NALF1: variants seen among roughly 807,000 people sequenced by gnomAD.
NALF1 encodes the protein NALCN channel auxiliary factor 1.
Under a neutral mutation model 48.4 loss-of-function variants are expected in NALF1, and 3 were observed. The ratio of observed to expected loss-of-function variants is 0.06; its 90% CI spans 0.03 to 0.16. The LOEUF (loss-of-function observed/expected upper bound fraction) is 0.16. Among genes scored for constraint, NALF1 ranks in the 10% least tolerant of loss-of-function variants. NALF1 has a pLI of 1.00. For missense variants in NALF1, 526 were observed against 571.5 expected, an observed-to-expected ratio of 0.92 and a Z score of 0.81; for synonymous variants, 262 against 245.7, an observed-to-expected ratio of 1.07 and a Z score of -0.62.
At chr13:107,602,055 A>G (rs988403669) in intron 1 of NALF1, among the ~76,000 whole-genome samples, 5 of 152,194 alleles carry the variant, frequency 3.3e-5, no homozygotes, top group Non-Finnish European at 7.3e-5. Flanking sequence ...ATTTAATTGT[A>G]TAGAAAGGTC....
chr13:107,545,884 T>C (rs1877123800), intron 1 of NALF1, among the ~76,000 whole-genome samples: 1 of 152,168 alleles, frequency 6.6e-6, no homozygotes, highest in Non-Finnish European at 1.5e-5. Context: ...TAATAACTAA[T>C]ATCCCTGATA....
intron 1 of NALF1, among the ~76,000 whole-genome samples, chr13:107,706,707 G>C (rs1008279628): frequency 3.7e-4 from 56 of 152,170 alleles, no homozygotes; most frequent in African/African-American, 1.3e-3. Context: ...GGCTGTACTA[G>C]AATGAATGGA....
intron 1 of NALF1, among the ~76,000 whole-genome samples, chr13:107,793,180 C>T (rs181418341): frequency 6.6e-6 from 1 of 152,262 alleles, no homozygotes; most frequent in East Asian, 1.9e-4. Flanking sequence ...TTGTTCTGTG[C>T]CCTTTTAACT....
At chr13:107,709,405 G>A (rs371014894) in intron 1 of NALF1, among the ~76,000 whole-genome samples, 2 of 152,214 alleles carry the variant, frequency 1.3e-5, no homozygotes, top group African/African-American at 2.4e-5. Flanking sequence ...GCTCTGCAGT[G>A]AGAACGTGGA....
chr13:107,441,387 G>A (rs897760163), intron 1 of NALF1, among the ~76,000 whole-genome samples: 1 of 152,194 alleles, frequency 6.6e-6, no homozygotes, highest in Non-Finnish European at 1.5e-5. Flanking sequence ...GATCATTACA[G>A]TATAAAATGA....
chr13:107,274,623 G>A (rs1881243718), intron 1 of NALF1, among the ~76,000 whole-genome samples: 1 of 152,034 alleles, frequency 6.6e-6, no homozygotes, highest in Non-Finnish European at 1.5e-5. Context: ...CAAACAAAAG[G>A]TTAAAGTCAC....
intron 1 of NALF1, among the ~76,000 whole-genome samples, chr13:107,662,312 C>T (rs957939166): frequency 1.3e-5 from 2 of 152,154 alleles, no homozygotes; most frequent in Non-Finnish European, 1.5e-5. Context: ...GATTCAACTG[C>T]GTGGTGGTAG....
chr13:107,768,321 T>G (rs1455385741), intron 1 of NALF1, among the ~76,000 whole-genome samples: 1 of 152,190 alleles, frequency 6.6e-6, no homozygotes, highest in African/African-American at 2.4e-5. Flanking sequence ...GCAAGTTATT[T>G]CAATACTGTA....
intron 1 of NALF1, among the ~76,000 whole-genome samples, chr13:107,605,066 G>A (rs536482870): frequency 2.6e-5 from 4 of 152,116 alleles, no homozygotes; most frequent in Admixed American, 6.5e-5. Flanking sequence ...GTCCCAGGGC[G>A]CAGAACAATT....
chr13:107,548,559 T>C (rs1019858411), intron 1 of NALF1, among the ~76,000 whole-genome samples: 1 of 152,268 alleles, frequency 6.6e-6, no homozygotes, highest in African/African-American at 2.4e-5. Flanking sequence ...TCCACAATAA[T>C]TGAATGAATT....
At chr13:107,630,645 T>C (rs1376661712) in intron 1 of NALF1, among the ~76,000 whole-genome samples, 2 of 152,144 alleles carry the variant, frequency 1.3e-5, no homozygotes, top group East Asian at 1.9e-4. Flanking sequence ...AATCGTCTAA[T>C]AGGAGGTTTA....
intron 1 of NALF1, among the ~76,000 whole-genome samples, chr13:107,357,185 A>G (rs928381376): frequency 6.6e-6 from 1 of 152,236 alleles, no homozygotes; most frequent in African/African-American, 2.4e-5. Context: ...CCAGTTCCAC[A>G]TGGCTGTGGA....
chr13:107,514,709 C>A (rs1876004319), intron 1 of NALF1, among the ~76,000 whole-genome samples: 2 of 152,094 alleles, frequency 1.3e-5, no homozygotes, highest in Non-Finnish European at 2.9e-5. Flanking sequence ...CCCTTCTTTG[C>A]TCAGAGATGT....
At chr13:107,558,231 C>CT (rs371703170) in intron 1 of NALF1, among the ~76,000 whole-genome samples, 543 of 150,656 alleles carry the variant, frequency 3.6e-3, no homozygotes, top group African/African-American at 0.012. Context: ...CCTTGAGTCT[C>CT]TTTTTTTTTA....
intron 1 of NALF1, among the ~76,000 whole-genome samples, chr13:107,680,815 A>AGAGG (rs1378652142): frequency 4.1e-5 from 6 of 147,618 alleles, no homozygotes; most frequent in Non-Finnish European, 9.0e-5. Flanking sequence ...GAGTGGTGTG[A>AGAGG]GTGTATGAGT....
At chr13:107,410,100 T>A (rs1535711) in intron 1 of NALF1, among the ~76,000 whole-genome samples, 20 of 152,182 alleles carry the variant, frequency 1.3e-4, no homozygotes, top group South Asian at 1.0e-3. Flanking sequence ...TTCTATATTC[T>A]AAAGTAACAA....
chr13:107,643,542 T>TGG lies in NALF1; in HGVS notation c.915+222138_915+222139dup, dbSNP rs34793504. Among the ~76,000 whole-genome samples, 1,246 of 128,076 alleles carry TGG rather than the reference T, an allele frequency of 9.7e-3. 14 individuals are homozygous for TGG. Among genetic ancestry groups the TGG allele is most frequent in the East Asian group, 0.02 (78 of 3,826 alleles). The allele number at this position is 128,076 out of a possible 152,430, so 84.0% of individuals were successfully genotyped here. On this transcript the variant is annotated intron_variant, in intron 1 of 2. Coordinates refer to ENST00000375915, the MANE Select transcript of NALF1 (RefSeq NM_001080396.3). ...TAATTTCCATATACAGTGTATTTGG[T>TGG]GGGGGGGGGGTGAAACGAAATGACA... is the stretch of plus-strand genomic sequence containing the variant.
chr13:107,502,817 TTAAG>T (rs1350384571), intron 1 of NALF1, among the ~76,000 whole-genome samples: 1 of 152,182 alleles, frequency 6.6e-6, no homozygotes, highest in Non-Finnish European at 1.5e-5. Flanking sequence ...TTTGACACTG[TTAAG>T]TAATGAGTAT....
chr13:107,693,363 C>G (rs139682760), intron 1 of NALF1, among the ~76,000 whole-genome samples: 1 of 151,298 alleles, frequency 6.6e-6, no homozygotes, highest in African/African-American at 2.4e-5. Context: ...AGGAGATATA[C>G]CTAATGTAAA....
Sources: gnomAD v4.1 joint callset for allele counts (sites outside exome capture counted in the v4.1 genomes callset) on GRCh38, gnomAD v4.1.1 for gene constraint, MANE v1.5 for transcripts, NCBI Gene and HGNC (gene_info 2026-07-23, HGNC 2026-07-21) for gene names.